ATP10B: variants seen among roughly 807,000 people sequenced by gnomAD.
ATP10B encodes the protein ATPase phospholipid transporting 10B (putative).
A neutral mutation model predicts 141.2 loss-of-function variants in ATP10B; 122 were observed. That is an observed-to-expected ratio of 0.86 (90% CI 0.75 to 1.00). ATP10B has a LOEUF of 1.00. ATP10B is among the 50% of genes least tolerant of loss of function. ATP10B has a pLI of 0.00. For synonymous variants in ATP10B, 685 were observed against 692.0 expected (o/e 0.99, Z 0.16); for missense variants, 1,876 against 1,825.3 (o/e 1.03, Z -0.51).
chr5:160,773,099 C>A (rs1432104450), intron 2 of ATP10B, among the ~76,000 whole-genome samples: 1 of 152,086 alleles, frequency 6.6e-6, no homozygotes, highest in Non-Finnish European at 1.5e-5. Flanking sequence ...GTTCTGTGAC[C>A]TTCGGGTTAC....
intron 1 of ATP10B, among the ~76,000 whole-genome samples, chr5:160,836,395 A>G (rs1775436885): frequency 6.6e-6 from 1 of 152,024 alleles, no homozygotes; most frequent in African/African-American, 2.4e-5. Flanking sequence ...TGCTGACTGA[A>G]TTATTTGTGT....
At chr5:160,744,892 T>C (rs1395174326) in intron 2 of ATP10B, among the ~76,000 whole-genome samples, 4 of 152,204 alleles carry the variant, frequency 2.6e-5, no homozygotes, top group Middle Eastern at 3.2e-3. Flanking sequence ...GAATCAGCTG[T>C]TTCTCATGTG....
chr5:160,570,336 A>C (rs1754797350), intron 24 of ATP10B, among the ~76,000 whole-genome samples: 1 of 152,172 alleles, frequency 6.6e-6, no homozygotes, highest in African/African-American at 2.4e-5. Flanking sequence ...CTATTTTGAA[A>C]TACACAATCG....
chr5:160,820,405 A>G (rs1246243468), intron 1 of ATP10B, among the ~76,000 whole-genome samples: 1 of 151,732 alleles, frequency 6.6e-6, no homozygotes, highest in African/African-American at 2.4e-5. Context: ...GTTACCCAGA[A>G]AAAAACAAAA....
At chr5:160,760,733 C>T (rs1351640599) in intron 2 of ATP10B, among the ~76,000 whole-genome samples, 1 of 152,144 alleles carries the variant, frequency 6.6e-6, no homozygotes, top group Non-Finnish European at 1.5e-5. Flanking sequence ...TGGGTGAGGC[C>T]TGTCACTGCC....
chr5:160,602,624 A>T lies in ATP10B; in HGVS notation c.3316T>A (p.Tyr1106Asn). 6.2e-7 allele frequency: 1 copy of T among 1,614,072 alleles called. No homozygotes were observed. The highest frequency in any genetic ancestry group is 1.1e-5 in the South Asian group (1 of 91,080). Residue 1106 changes from tyrosine (Y) to asparagine (N), a missense_variant, in exon 21 of 26, where the codon TAC (tyrosine) becomes AAC (asparagine). Physicochemically the swap from Tyr to Asn is moderately radical, Grantham distance 143. Coordinates refer to ENST00000327245, the MANE Select transcript of ATP10B (RefSeq NM_025153.3). The part of the protein sequence containing the change: ...KLLLVHGHWC[Y>N]SRLARMVVYY... ...ACCACCATCCTGGCCAGGCGCGAGT[A>T]ACACCAGTGGCCATGCACGAGCAGC... is the stretch of plus-strand genomic sequence containing the variant.
chr5:160,802,535 T>C (rs1050371679), intron 1 of ATP10B, among the ~76,000 whole-genome samples: 4 of 152,182 alleles, frequency 2.6e-5, no homozygotes, highest in African/African-American at 9.7e-5. Flanking sequence ...CACAGAACAT[T>C]TCCCACCAGT....
At position 160,653,704 on chromosome 5, in the gene ATP10B, A is replaced by T. The variant is rs1342609860; in HGVS notation, c.676-4448T>A. Among the ~76,000 whole-genome samples the T allele has an allele frequency of 3.1e-5, 3 of 95,916 alleles. No homozygotes were observed. In the East Asian group the frequency reaches 7.8e-4, roughly 25 times the overall value. The allele number at this position is 95,916 out of a possible 152,430, so 62.9% of individuals were successfully genotyped here. A position where few individuals can be genotyped will look rare whatever the true frequency, so the allele number is the denominator to read the frequency against. On this transcript the variant is annotated intron_variant, in intron 7 of 25. Transcript: ENST00000327245. The stretch of plus-strand genomic sequence containing the variant: ...TACATATATACATATATACATATAC[A>T]ATATATACATATATACATATATATT...
intron 1 of ATP10B, among the ~76,000 whole-genome samples, chr5:160,789,312 T>C (rs1157224948): frequency 7.0e-6 from 1 of 142,252 alleles, no homozygotes; most frequent in Non-Finnish European, 1.5e-5. Flanking sequence ...CATTAGGTGA[T>C]TTTTTTATTG....
intron 18 of ATP10B, 60 bp from the exon 19 acceptor site, chr5:160,607,146 T>C (rs745922304): frequency 3.3e-5 from 47 of 1,409,026 alleles, no homozygotes; most frequent in African/African-American, 4.3e-5. Flanking sequence ...ATGTTAACAA[T>C]TTCAGTTTAT....
intron 3 of ATP10B, chr5:160,692,524 A>C (rs190400021): frequency 6.5e-4 from 99 of 152,316 alleles, no homozygotes; most frequent in Admixed American, 2.7e-3. Flanking sequence ...ATTGCTCCTA[A>C]AGATAGGATT....
chr5:160,598,394 G>T (rs538374154), intron 22 of ATP10B, among the ~76,000 whole-genome samples: 2 of 151,852 alleles, frequency 1.3e-5, no homozygotes, highest in Non-Finnish European at 2.9e-5. Flanking sequence ...TTGTGGGGTG[G>T]GGGGAGCAGG....
At chr5:160,825,037 T>C (rs1224478085) in intron 1 of ATP10B, among the ~76,000 whole-genome samples, 2 of 152,208 alleles carry the variant, frequency 1.3e-5, no homozygotes, top group African/African-American at 4.8e-5. Flanking sequence ...TCTGGGACTT[T>C]AATTCACCTT....
At chr5:160,891,944 G>C in the ATP10B span, among the ~76,000 whole-genome samples, 1 of 152,138 alleles carries the variant, frequency 6.6e-6, no homozygotes, top group East Asian at 1.9e-4. Flanking sequence ...TGAGAAATAT[G>C]GGTAAGAGGT....
At chr5:160,851,090 G>C (rs1753778171) in intron 1 of ATP10B, among the ~76,000 whole-genome samples, 1 of 152,190 alleles carries the variant, frequency 6.6e-6, no homozygotes, top group African/African-American at 2.4e-5. Context: ...CAGAGTGCCA[G>C]ATTGGCTTTG....
At chr5:160,682,332 T>C (rs1763456893) in intron 6 of ATP10B, among the ~76,000 whole-genome samples, 2 of 152,192 alleles carry the variant, frequency 1.3e-5, no homozygotes, top group Non-Finnish European at 2.9e-5. Context: ...TTTGTCACTG[T>C]TATTCCACTG....
At chr5:160,811,718 G>T (rs969257984) in intron 1 of ATP10B, among the ~76,000 whole-genome samples, 1 of 152,162 alleles carries the variant, frequency 6.6e-6, no homozygotes, top group Admixed American at 6.5e-5. Flanking sequence ...TTTGACTCCA[G>T]TCCATGGCTT....
chr5:160,704,914 C>CATCTTTTTTTTTTTTTTTTTTTTTTTTTT (rs1764895267), intron 3 of ATP10B, among the ~76,000 whole-genome samples: 4 of 83,638 alleles, frequency 4.8e-5, no homozygotes, highest in Admixed American at 1.6e-4. Context: ...TTTCTTTCAT[C>CATCTTTTTTTTTTTTTTTTTTTTTTTTTT]TTTTTTTTTT....
the ATP10B span, among the ~76,000 whole-genome samples, chr5:160,889,255 C>G: frequency 5.3e-5 from 8 of 152,188 alleles, no homozygotes; most frequent in African/African-American, 1.9e-4. Context: ...TACCCTTTGA[C>G]ATACGAGGGT....
Sources: gnomAD v4.1 joint callset for allele counts (sites outside exome capture counted in the v4.1 genomes callset) on GRCh38, gnomAD v4.1.1 for gene constraint, MANE v1.5 for transcripts, NCBI Gene and HGNC (gene_info 2026-07-23, HGNC 2026-07-21) for gene names.